Variants in FGF12 observed in about 807,000 individuals in gnomAD.
FGF12 encodes the protein fibroblast growth factor 12B.
In FGF12, 14 loss-of-function variants were observed where a neutral mutation model predicts 23.6. That is an observed-to-expected ratio of 0.59 (90% CI 0.39 to 0.93). The LOEUF (loss-of-function observed/expected upper bound fraction) is 0.93. Among genes scored for constraint, FGF12 ranks in the 40% least tolerant of loss-of-function variants. The pLI is 0.00. For missense variants in FGF12, 175 were observed against 217.8 expected (o/e 0.80, Z 1.24); for synonymous variants, 62 against 77.3 (o/e 0.80, Z 1.04).
At chr3:192,192,145 T>C (rs1350909981) in intron 4 of FGF12, among the ~76,000 whole-genome samples, 3 of 152,104 alleles carry the variant, frequency 2.0e-5, no homozygotes, top group Admixed American at 1.3e-4. Flanking sequence ...AGATCTGTCA[T>C]AATTAGAGCT....
intron 2 of FGF12, among the ~76,000 whole-genome samples, chr3:192,638,163 C>T (rs777527604): frequency 2.4e-4 from 37 of 152,036 alleles, no homozygotes; most frequent in Non-Finnish European, 4.1e-4. Context: ...AGCAGAGTAA[C>T]TTAGGGCCTG....
At chr3:192,411,596 A>T (rs1000838046) in intron 2 of FGF12, among the ~76,000 whole-genome samples, 2 of 152,368 alleles carry the variant, frequency 1.3e-5, no homozygotes, top group South Asian at 4.1e-4. Context: ...ATCAACTGGT[A>T]ATTCTATCAA....
At chr3:192,704,200 T>C (rs992226179) in intron 2 of FGF12, among the ~76,000 whole-genome samples, 4 of 152,206 alleles carry the variant, frequency 2.6e-5, no homozygotes, top group African/African-American at 9.6e-5. Context: ...CCTTATGAAA[T>C]ATATTTCTTA....
At chr3:192,525,690 C>T (rs1577036224) in intron 2 of FGF12, among the ~76,000 whole-genome samples, 2 of 152,292 alleles carry the variant, frequency 1.3e-5, no homozygotes, top group East Asian at 3.9e-4. Flanking sequence ...AAGTTTGGTA[C>T]ATAAAACCTA....
At chr3:192,252,333 C>T (rs961250030) in intron 4 of FGF12, among the ~76,000 whole-genome samples, 20 of 151,068 alleles carry the variant, frequency 1.3e-4, no homozygotes, top group South Asian at 2.1e-4. Context: ...GTGGTGGTAG[C>T]GTGCCTGGAA....
chr3:192,585,967 T>C (rs1026603387), intron 2 of FGF12, among the ~76,000 whole-genome samples: 5 of 152,112 alleles, frequency 3.3e-5, no homozygotes, highest in African/African-American at 7.2e-5. Flanking sequence ...AGAGAAAATA[T>C]TGTATTGAAA....
intron 2 of FGF12, among the ~76,000 whole-genome samples, chr3:192,478,654 T>A (rs930129365): frequency 2.0e-5 from 3 of 152,170 alleles, no homozygotes; most frequent in Admixed American, 6.5e-5. Context: ...GTGACTAAGA[T>A]AAAATTTTCA....
chr3:192,200,407 C>T (rs1717304800), intron 4 of FGF12, among the ~76,000 whole-genome samples: 1 of 152,024 alleles, frequency 6.6e-6, no homozygotes, highest in South Asian at 2.1e-4. Flanking sequence ...GAATGCCAAT[C>T]AAACAGGAAT....
chr3:192,637,380 C>T (rs1044703505), intron 2 of FGF12, among the ~76,000 whole-genome samples: 1 of 152,158 alleles, frequency 6.6e-6, no homozygotes, highest in South Asian at 2.1e-4. Flanking sequence ...ATATTTGTGG[C>T]CCCTGACAGT....
At chr3:192,371,262 C>T (rs1560089004) in intron 2 of FGF12, among the ~76,000 whole-genome samples, 1 of 152,156 alleles carries the variant, frequency 6.6e-6, no homozygotes, top group Non-Finnish European at 1.5e-5. Flanking sequence ...AAACAAAACA[C>T]CAGGGAGAGG....
intron 2 of FGF12, among the ~76,000 whole-genome samples, chr3:192,426,370 T>C (rs996701347): frequency 6.6e-6 from 1 of 152,192 alleles, no homozygotes; most frequent in Non-Finnish European, 1.5e-5. Flanking sequence ...CTCATAGTAT[T>C]GTCAGAGGGA....
chr3:192,421,747 C>A (rs1331715221), intron 2 of FGF12, among the ~76,000 whole-genome samples: 1 of 151,990 alleles, frequency 6.6e-6, no homozygotes, highest in African/African-American at 2.4e-5. Context: ...TGCAGCAAAC[C>A]ACCATGGCAT....
chr3:192,380,949 T>C (rs1378866030), intron 2 of FGF12, among the ~76,000 whole-genome samples: 1 of 149,544 alleles, frequency 6.7e-6, no homozygotes, highest in Non-Finnish European at 1.5e-5. Flanking sequence ...ATTCTATTTA[T>C]ATATAGTATA....
chr3:192,252,462 C>CAAAAAAAAAAAAAAAAAAAA (rs56920518), intron 4 of FGF12, among the ~76,000 whole-genome samples: 8 of 27,494 alleles, frequency 2.9e-4, no homozygotes, highest in Admixed American at 1.3e-3. Context: ...GAATCTGTCT[C>CAAAAAAAAAAAAAAAAAAAA]AAAAAAAAAA....
intron 2 of FGF12, among the ~76,000 whole-genome samples, chr3:192,476,381 A>C (rs552580716): frequency 6.6e-6 from 1 of 152,272 alleles, no homozygotes; most frequent in East Asian, 1.9e-4. Context: ...TGTGAATCCC[A>C]ATTGTTTGAG....
intron 4 of FGF12, among the ~76,000 whole-genome samples, chr3:192,246,839 GGAGA>G (rs997199318): frequency 1.1e-4 from 14 of 131,390 alleles, no homozygotes; most frequent in Admixed American, 7.2e-4. Flanking sequence ...AAAAAAAAAA[GGAGA>G]GAGAGAGAGG....
At chr3:192,456,318 C>T (rs1722680102) in intron 2 of FGF12, among the ~76,000 whole-genome samples, 1 of 152,200 alleles carries the variant, frequency 6.6e-6, no homozygotes, top group African/African-American at 2.4e-5. Flanking sequence ...ACTGACCAAA[C>T]TTGGAATTAA....
At chr3:192,237,406 T>C (rs1719358628) in intron 4 of FGF12, among the ~76,000 whole-genome samples, 2 of 152,204 alleles carry the variant, frequency 1.3e-5, no homozygotes, top group Non-Finnish European at 2.9e-5. Context: ...GAAATTTTCA[T>C]GACCAATATT....
At chr3:192,229,804 C>T (rs543918045) in intron 4 of FGF12, among the ~76,000 whole-genome samples, 1 of 152,098 alleles carries the variant, frequency 6.6e-6, no homozygotes, top group South Asian at 2.1e-4. Context: ...CTCATGGAAT[C>T]CGAAAAACAA....
Sources: allele counts gnomAD v4.1 joint callset (sites outside exome capture counted in the v4.1 genomes callset), GRCh38; gene constraint gnomAD v4.1.1; transcripts MANE v1.5; gene names NCBI Gene and HGNC (gene_info 2026-07-23, HGNC 2026-07-21).